SLC3A1: variants seen among roughly 807,000 people sequenced by gnomAD.
SLC3A1 encodes solute carrier family 3 member 1.
Under a neutral mutation model 60.3 loss-of-function variants are expected in SLC3A1, and 78 were observed. The ratio of observed to expected loss-of-function variants is 1.29; its 90% confidence interval spans 1.08 to 1.56. The LOEUF is 1.56. Ranked by LOEUF, SLC3A1 falls within the 40% of genes most tolerant of loss-of-function variation. SLC3A1 has a pLI of 0.00. For missense variants in SLC3A1, 1,172 were observed against 858.9 expected (o/e 1.36, Z -4.56); for synonymous variants, 392 against 307.9 (o/e 1.27, Z -2.86).
Position 44,313,946 on chromosome 2 carries a change from G to A in SLC3A1, c.1612G>A (p.Val538Ile), listed in dbSNP as rs767054890. The A allele has an allele frequency of 1.9e-5, 30 of 1,613,922 alleles. No homozygotes were observed. Among genetic ancestry groups the A allele is most frequent in the Admixed American group, 1.7e-4 (10 of 59,990 alleles). Reference sequence around the variant, plus strand: ...CAATTCAGATTACCACACTGTGAATGTTGATGTAAGTATCAGTGAAAATTT... The same window carrying A: ...CAATTCAGATTACCACACTGTGAATATTGATGTAAGTATCAGTGAAAATTT... ...PTNSDYHTVN[V>I]DVQKTQPRSA... Residue 538 changes from valine (V) to isoleucine (I), a missense_variant, in exon 9 of 10, where the codon GTT becomes ATT. By Grantham distance (29) the Val-to-Ile change is conservative. Coordinates refer to ENST00000260649, the MANE Select transcript of SLC3A1 (RefSeq NM_000341.4).
chr2:44,311,739 C>CAAAAA, intron 7 of SLC3A1, among the ~76,000 whole-genome samples: 1 of 150,560 alleles, frequency 6.6e-6, no homozygotes. Context: ...AAAAAAAACC[C>CAAAAA]AACCTCCTAT....
intron 6 of SLC3A1, 26 bp from the exon 7 acceptor site, chr2:44,304,117 A>T: frequency 1.3e-6 from 2 of 1,597,364 alleles, no homozygotes; most frequent in South Asian, 2.2e-5. Context: ...GGCCCCGATG[A>T]CACTGAACCT....
At chr2:44,298,655 G>T (rs1345841701) in intron 4 of SLC3A1, among the ~76,000 whole-genome samples, 1 of 152,178 alleles carries the variant, frequency 6.6e-6, no homozygotes, top group Non-Finnish European at 1.5e-5. Context: ...TGGGATTATA[G>T]GCGTGAGCCG....
intron 9 of SLC3A1, among the ~76,000 whole-genome samples, chr2:44,316,090 TG>T (rs1672439327): frequency 6.6e-6 from 1 of 152,120 alleles, no homozygotes; most frequent in South Asian, 2.1e-4. Flanking sequence ...ACATCCAACT[TG>T]GCTTCCCATT....
At position 44,275,960 on chromosome 2, in the gene SLC3A1, T is replaced by C; in HGVS notation, c.425T>C (p.Leu142Pro). ...KDSNKDGNGD[L>P]KGIQDKLDYI... The stretch of plus-strand genomic sequence containing the variant: ...AGTAACAAGGATGGGAACGGAGATC[T>C]GAAAGGTACATGCCCAGAGATCATT... The change falls in exon 1 of 10, where the codon CTG (leucine) becomes CCG (proline). Residue 142 changes from leucine (L) to proline (P), a missense_variant. Coordinates refer to ENST00000260649, the MANE Select transcript of SLC3A1 (RefSeq NM_000341.4). 1 of 1,614,006 alleles carries C rather than the reference T, an allele frequency of 6.2e-7. No individual in the cohort carries two copies. Among genetic ancestry groups the C allele is most frequent in the African/African-American group, 1.3e-5 (1 of 75,058 alleles).
In SLC3A1 at chr2:44,275,874, G is replaced by T; in HGVS notation, c.339G>T (p.Lys113Asn). ...ATIAIIALSP[K>N]CLDWWQEGPM... ...TAGCCATCATTGCCCTCTCTCCAAA[G>T]TGCCTAGACTGGTGGCAGGAGGGGC... The change falls in exon 1 of 10, where the codon AAG (lysine) becomes AAT (asparagine). Residue 113 changes from lysine (K) to asparagine (N), a missense_variant. By Grantham distance (94) the Lys-to-Asn change is moderately conservative. Transcript: ENST00000260649. 17 of 1,614,228 alleles carry T rather than the reference G, an allele frequency of 1.1e-5. No homozygotes were observed. Among genetic ancestry groups the T allele is most frequent in the Non-Finnish European group, 1.4e-5 (16 of 1,180,046 alleles).
intron 4 of SLC3A1, among the ~76,000 whole-genome samples, chr2:44,289,650 G>C: frequency 6.7e-6 from 1 of 150,346 alleles, no homozygotes; most frequent in East Asian, 2.0e-4. Flanking sequence ...TGTTTTTTGA[G>C]ACAGAGTTAT....
intron 6 of SLC3A1, 113 bp downstream of exon 6, chr2:44,301,240 T>A: frequency 7.5e-7 from 1 of 1,327,832 alleles, no homozygotes; most frequent in Admixed American, 1.9e-5. Flanking sequence ...CAAGCCTGCA[T>A]AACTCTAATT....
chr2:44,305,838 T>C (rs2104373019), intron 7 of SLC3A1, among the ~76,000 whole-genome samples: 1 of 152,286 alleles, frequency 6.6e-6, no homozygotes, highest in South Asian at 2.1e-4. Context: ...TGTGGTCTCA[T>C]CGTTTAGGTC....
chr2:44,294,692 C>T (rs997598066), intron 4 of SLC3A1, among the ~76,000 whole-genome samples: 2 of 151,984 alleles, frequency 1.3e-5, no homozygotes, highest in South Asian at 2.1e-4. Flanking sequence ...ATTCTGAAGT[C>T]CTTGATCTTT....
chr2:44,288,340 T>C (rs1177106746), intron 4 of SLC3A1, among the ~76,000 whole-genome samples: 1 of 152,058 alleles, frequency 6.6e-6, no homozygotes, highest in Non-Finnish European at 1.5e-5. Flanking sequence ...TTCAGAACAC[T>C]TTTATCTTCT....
chr2:44,313,050 T>C (rs917392596), intron 8 of SLC3A1, among the ~76,000 whole-genome samples: 2 of 152,144 alleles, frequency 1.3e-5, no homozygotes, highest in Non-Finnish European at 2.9e-5. Flanking sequence ...AGGAATACTG[T>C]GTTGAGAGGC....
At chr2:44,316,251 A>G (rs1672448015) in intron 9 of SLC3A1, 1 of 152,234 alleles carries the variant, frequency 6.6e-6, no homozygotes, top group Admixed American at 6.5e-5. Context: ...AGAGAAAATT[A>G]TAGCAAACAT....
rs1366874663 is a variant in SLC3A1, at chr2:44,320,493, A to C, written c.1912A>C (p.Ile638Leu). The C allele has an allele frequency of 1.2e-6, 2 of 1,614,168 alleles. No individual in the cohort carries two copies. Among genetic ancestry groups the C allele is most frequent in the Middle Eastern group, 3.3e-4 (2 of 6,058 alleles). ...DKGSKVDTSG[I>L]FLDKGEGLIF... ...AGGCAGTAAAGTTGATACAAGTGGC[A>C]TTTTTCTGGACAAGGGAGAGGGACT... The change falls in exon 10 of 10, where the codon ATT becomes CTT. Residue 638 changes from isoleucine (I) to leucine (L), a missense_variant. By Grantham distance (5) the Ile-to-Leu change is conservative. Transcript: ENST00000260649.
At chr2:44,319,065 G>C (rs2103623436) in intron 9 of SLC3A1, 1 of 152,514 alleles carries the variant, frequency 6.6e-6, no homozygotes, top group Non-Finnish European at 1.5e-5. Flanking sequence ...CCTAAGGCTA[G>C]AGAAAATGTT....
intron 9 of SLC3A1, chr2:44,314,968 G>C (rs977918016): frequency 1.2e-4 from 3 of 24,954 alleles, no homozygotes; most frequent in Non-Finnish European, 1.8e-4. Flanking sequence ...TTTTGCTTTT[G>C]TTGCCCGGGC....
In SLC3A1 at chr2:44,320,675, A is replaced by C. The variant is rs1672859562; in HGVS notation, c.*36A>C. ...GAAGAGATGAAGACACTGGCATTTCAGTGGGATTGTAAGCATTTGTAATAG... is the reference window on the plus strand; with the variant it reads ...GAAGAGATGAAGACACTGGCATTTCCGTGGGATTGTAAGCATTTGTAATAG... On this transcript the variant is annotated 3_prime_UTR_variant, in exon 10 of 10. Transcript: ENST00000260649. 5 of 1,528,726 alleles carry C rather than the reference A, an allele frequency of 3.3e-6. No individual in the cohort carries two copies. The South Asian group carries it at 5.6e-5, about 17-fold the overall frequency. The allele number at this position is 1,528,726 out of a possible 1,614,324, so 94.7% of individuals were successfully genotyped here.
chr2:44,283,030 C>A (rs530667457), intron 3 of SLC3A1, among the ~76,000 whole-genome samples: 1 of 152,260 alleles, frequency 6.6e-6, no homozygotes, highest in African/African-American at 2.4e-5. Flanking sequence ...TCCTGCACTT[C>A]ATCTGGCAGT....
chr2:44,286,138 A>C lies in SLC3A1; in HGVS notation c.872A>C (p.Asp291Ala). The change falls in exon 4 of 10, where the codon GAT becomes GCT. Residue 291 changes from aspartate (D) to alanine (A), a missense_variant. Transcript: ENST00000260649. ...EQPDLNFRNP[D>A]VQEEIKEILR... ...CCTGATTTAAATTTCCGCAATCCTGATGTTCAAGAAGAAATAAAAGTGAGT... is the reference window on the plus strand; with the variant it reads ...CCTGATTTAAATTTCCGCAATCCTGCTGTTCAAGAAGAAATAAAAGTGAGT... 1 of 1,614,050 alleles carries C rather than the reference A, an allele frequency of 6.2e-7. No individual in the cohort carries two copies. Among genetic ancestry groups the C allele is most frequent in the South Asian group, 1.1e-5 (1 of 91,080 alleles).
Sources: allele counts gnomAD v4.1 joint callset (sites outside exome capture counted in the v4.1 genomes callset), GRCh38; gene constraint gnomAD v4.1.1; transcripts MANE v1.5; gene names NCBI Gene and HGNC (gene_info 2026-07-23, HGNC 2026-07-21).